The following CNTNAP2 variants were observed in gnomAD, a reference collection of about 807,000 sequenced individuals.
CNTNAP2 encodes the protein contactin associated protein 2.
In CNTNAP2, 98 loss-of-function variants were observed where a neutral mutation model predicts 155.2. The ratio of observed to expected loss-of-function variants is 0.63; its 90% CI spans 0.54 to 0.75. The LOEUF is 0.75. Among genes scored for constraint, CNTNAP2 ranks in the 30% least tolerant of loss-of-function variants. The probability of loss-of-function intolerance (pLI) is 0.00; values close to 1 mark genes in which losing one functional copy is unlikely to be tolerated. For missense variants in CNTNAP2, 1,727 were observed against 1,688.1 expected (o/e 1.02, Z -0.40); for synonymous variants, 651 against 631.2 (o/e 1.03, Z -0.47).
At position 147,347,357 on chromosome 7, in the gene CNTNAP2, C is replaced by G. The variant is rs375521679; in HGVS notation, c.1498+47067C>G. 2.0e-5 allele frequency among the ~76,000 whole-genome samples: 3 copies of G among 149,786 alleles called. No individual in the cohort carries two copies. In the East Asian group the frequency reaches 6.0e-4, roughly 30 times the overall value. ...TGAAGAGTTGTGAAGAATTTGAATT[C>G]TATATGATGCTGATGGGCACCAGAG... is the stretch of plus-strand genomic sequence containing the variant. On this transcript the variant is annotated intron_variant, in intron 9 of 23. Coordinates refer to ENST00000361727, the MANE Select transcript of CNTNAP2 (RefSeq NM_014141.6).
At chr7:147,813,089 T>G (rs1325927785) in intron 13 of CNTNAP2, among the ~76,000 whole-genome samples, 3 of 151,888 alleles carry the variant, frequency 2.0e-5, no homozygotes. Context: ...GTTTCACTAT[T>G]TGAAAATAGT....
intron 11 of CNTNAP2, among the ~76,000 whole-genome samples, chr7:147,512,362 C>T (rs527333280): frequency 5.3e-5 from 8 of 152,234 alleles, no homozygotes; most frequent in Non-Finnish European, 1.2e-4. Flanking sequence ...ACTAAATATT[C>T]ACATTAGCAA....
At chr7:147,218,307 T>C (rs1584798889) in intron 8 of CNTNAP2, among the ~76,000 whole-genome samples, 2 of 151,862 alleles carry the variant, frequency 1.3e-5, no homozygotes, top group Admixed American at 6.5e-5. Flanking sequence ...TTGTTTTTAC[T>C]ACATCCAACA....
intron 13 of CNTNAP2, among the ~76,000 whole-genome samples, chr7:147,881,161 A>C (rs1799514323): frequency 6.6e-6 from 1 of 152,210 alleles, no homozygotes; most frequent in Non-Finnish European, 1.5e-5. Flanking sequence ...AAGAATGAAA[A>C]GGAAGTTCCT....
At chr7:146,332,170 T>G (rs1003658898) in intron 1 of CNTNAP2, among the ~76,000 whole-genome samples, 2 of 151,738 alleles carry the variant, frequency 1.3e-5, no homozygotes, top group African/African-American at 4.8e-5. Context: ...ATAACTAAAT[T>G]TAAATTTCTA....
intron 13 of CNTNAP2, among the ~76,000 whole-genome samples, chr7:147,718,116 A>T (rs1221848326): frequency 2.0e-5 from 3 of 152,162 alleles, no homozygotes; most frequent in Non-Finnish European, 4.4e-5. Context: ...TAACGTCAGC[A>T]TGATTAATTG....
Position 148,357,174 on chromosome 7 carries a change from C to T in CNTNAP2, c.3476-26475C>T, listed in dbSNP as rs541237085. Among the ~76,000 whole-genome samples the T allele has an allele frequency of 1.6e-3, 246 of 152,206 alleles. 2 individuals carry two copies. Among genetic ancestry groups the T allele is most frequent in the Non-Finnish European group, 2.9e-3 (199 of 68,000 alleles). ...ACGTAATTGAATCATGGGGGTGGGT[C>T]TTTCCTGTGCTGTTGTGATAGTAAA... On this transcript the variant is annotated intron_variant, in intron 21 of 23. Coordinates refer to ENST00000361727, the MANE Select transcript of CNTNAP2 (RefSeq NM_014141.6).
intron 1 of CNTNAP2, among the ~76,000 whole-genome samples, chr7:146,461,744 A>G (rs1796640669): frequency 6.6e-6 from 1 of 152,182 alleles, no homozygotes; most frequent in Non-Finnish European, 1.5e-5. Flanking sequence ...GTCTAAATTT[A>G]AGTGTATTTG....
At position 147,832,718 on chromosome 7, in the gene CNTNAP2, A is replaced by G. The variant is rs1033077830; in HGVS notation, c.2099-70847A>G. The stretch of plus-strand genomic sequence containing the variant: ...CAATATATTTCAAGATATTGTTTTT[A>G]TATTTTTAAATAAATATTTTATAAT... On this transcript the variant is annotated intron_variant, in intron 13 of 23. Transcript: ENST00000361727. Among the ~76,000 whole-genome samples the G allele has an allele frequency of 2.2e-4, 33 of 146,762 alleles. 1 individual carries two copies. The highest frequency in any genetic ancestry group is 4.2e-4 in the South Asian group (2 of 4,780).
intron 3 of CNTNAP2, among the ~76,000 whole-genome samples, chr7:146,870,836 T>C (rs563192305): frequency 1.3e-5 from 2 of 152,272 alleles, no homozygotes; most frequent in South Asian, 4.1e-4. Flanking sequence ...TTAATGCTCC[T>C]GAGAATTATA....
intron 13 of CNTNAP2, among the ~76,000 whole-genome samples, chr7:147,653,662 G>A (rs1345380473): frequency 6.6e-6 from 1 of 152,280 alleles, no homozygotes. Context: ...ATAAGCAGAG[G>A]GGAGGGAGGT....
intron 12 of CNTNAP2, among the ~76,000 whole-genome samples, chr7:147,562,888 A>G (rs10257834): frequency 0.46 from 69,624 of 151,970 alleles, 16,119 homozygotes; most frequent in East Asian, 0.61. Context: ...ACACTTGGCA[A>G]TATCTTACGC....
chr7:147,984,423 A>T (rs1204874750), intron 15 of CNTNAP2, among the ~76,000 whole-genome samples: 1 of 152,208 alleles, frequency 6.6e-6, no homozygotes, highest in Non-Finnish European at 1.5e-5. Context: ...TGATGAGGAA[A>T]CAGAAACAAT....
At chr7:146,551,682 A>G (rs1406781327) in intron 1 of CNTNAP2, among the ~76,000 whole-genome samples, 2 of 152,128 alleles carry the variant, frequency 1.3e-5, no homozygotes, top group East Asian at 3.9e-4. Flanking sequence ...TTGTTATATA[A>G]GTAGTGTTAT....
At chr7:148,247,621 CTCTCTATTTATTTATTTATT>C (rs1468548406) in intron 20 of CNTNAP2, among the ~76,000 whole-genome samples, 23 of 132,848 alleles carry the variant, frequency 1.7e-4, no homozygotes, top group African/African-American at 6.4e-4. Context: ...CTCTCTCTCT[CTCTCTATTTATTTATTTATT>C]TATTTATTTA....
At chr7:146,464,568 T>A (rs1232036360) in intron 1 of CNTNAP2, among the ~76,000 whole-genome samples, 2 of 152,092 alleles carry the variant, frequency 1.3e-5, no homozygotes, top group Non-Finnish European at 2.9e-5. Flanking sequence ...AAATACATAG[T>A]TGCACCTTCT....
chr7:147,777,026 A>G (rs1396743212), intron 13 of CNTNAP2, among the ~76,000 whole-genome samples: 1 of 151,980 alleles, frequency 6.6e-6, no homozygotes, highest in Non-Finnish European at 1.5e-5. Flanking sequence ...TTGATTCCTT[A>G]ATTTTAAAAT....
chr7:146,712,232 A>G (rs1203048169), intron 1 of CNTNAP2, among the ~76,000 whole-genome samples: 1 of 126,250 alleles, frequency 7.9e-6, no homozygotes, highest in African/African-American at 2.8e-5. Context: ...ACAAATATGT[A>G]TACATATCTT....
chr7:146,881,274 C>T (rs917019516), intron 3 of CNTNAP2, among the ~76,000 whole-genome samples: 1 of 152,036 alleles, frequency 6.6e-6, no homozygotes, highest in Non-Finnish European at 1.5e-5. Flanking sequence ...AATATGTAAA[C>T]CAAATTTTTC....
Sources: allele counts gnomAD v4.1 joint callset (sites outside exome capture counted in the v4.1 genomes callset), GRCh38; gene constraint gnomAD v4.1.1; transcripts MANE v1.5; gene names NCBI Gene and HGNC (gene_info 2026-07-23, HGNC 2026-07-21).